The following ASTN2 variants were observed in gnomAD, a reference collection of about 807,000 sequenced individuals.
ASTN2 encodes the protein astrotactin-2.
Under a neutral mutation model 139.8 loss-of-function variants are expected in ASTN2, and 54 were observed. That is an observed-to-expected ratio of 0.39 (90% CI 0.31 to 0.48). The LOEUF (loss-of-function observed/expected upper bound fraction) is 0.48. Among genes scored for constraint, ASTN2 ranks in the 20% least tolerant of loss-of-function variants. The probability of loss-of-function intolerance (pLI) is 0.95; values close to 1 mark genes in which losing one functional copy is unlikely to be tolerated. For synonymous variants in ASTN2, 756 were observed against 719.5 expected (o/e 1.05, Z -0.81); for missense variants, 1,565 against 1,725.1 (o/e 0.91, Z 1.64).
chr9:117,108,835 G>A (rs928199485), intron 4 of ASTN2, among the ~76,000 whole-genome samples: 4 of 152,066 alleles, frequency 2.6e-5, no homozygotes, highest in African/African-American at 9.7e-5. Context: ...CAATACATCT[G>A]GCATAATTTT....
intron 22 of ASTN2, among the ~76,000 whole-genome samples, chr9:116,429,612 C>T (rs937271357): frequency 2.0e-5 from 3 of 152,174 alleles, no homozygotes; most frequent in Non-Finnish European, 4.4e-5. Context: ...TCACCATTAT[C>T]ATTACTCCCA....
intron 10 of ASTN2, among the ~76,000 whole-genome samples, chr9:116,911,776 C>T (rs769210825): frequency 3.3e-5 from 5 of 152,024 alleles, no homozygotes; most frequent in African/African-American, 4.8e-5. Context: ...TGGTGGCAGG[C>T]GCCTGTTGTC....
chr9:116,960,415 G>A (rs1316181754), intron 10 of ASTN2, among the ~76,000 whole-genome samples: 1 of 151,542 alleles, frequency 6.6e-6, no homozygotes, highest in Non-Finnish European at 1.5e-5. Flanking sequence ...TTTACAACTG[G>A]ATTTCTAGAA....
intron 3 of ASTN2, among the ~76,000 whole-genome samples, chr9:117,187,637 C>G (rs997570757): frequency 6.6e-6 from 1 of 152,186 alleles, no homozygotes; most frequent in African/African-American, 2.4e-5. Flanking sequence ...TGTCACGAGT[C>G]TCCCTGGTCA....
chr9:116,537,462 T>G (rs1014859665), intron 19 of ASTN2, among the ~76,000 whole-genome samples: 6 of 152,200 alleles, frequency 3.9e-5, no homozygotes, highest in Non-Finnish European at 7.3e-5. Context: ...CTTGAACCTA[T>G]GGACATTATA....
intron 19 of ASTN2, among the ~76,000 whole-genome samples, chr9:116,599,207 T>C (rs1350899070): frequency 6.6e-6 from 1 of 152,092 alleles, no homozygotes; most frequent in African/African-American, 2.4e-5. Flanking sequence ...AGGGTGTGAG[T>C]CTAAAGTTGC....
At chr9:117,086,713 C>T (rs1019190513) in intron 5 of ASTN2, among the ~76,000 whole-genome samples, 9 of 152,202 alleles carry the variant, frequency 5.9e-5, no homozygotes, top group African/African-American at 2.2e-4. Flanking sequence ...CTTCACTTCT[C>T]CCGGCTTTCC....
At chr9:117,340,425 C>A (rs1044490569) in intron 1 of ASTN2, among the ~76,000 whole-genome samples, 1 of 150,904 alleles carries the variant, frequency 6.6e-6, no homozygotes, top group East Asian at 2.0e-4. Flanking sequence ...GCAGGAACAC[C>A]GGTTATAGAA....
chr9:116,508,949 C>A (rs1013541993), intron 19 of ASTN2, among the ~76,000 whole-genome samples: 1 of 152,108 alleles, frequency 6.6e-6, no homozygotes, highest in African/African-American at 2.4e-5. Flanking sequence ...TGAGTGTGGG[C>A]TCAGCATCTA....
chr9:117,022,440 G>T (rs1246486544), intron 6 of ASTN2, among the ~76,000 whole-genome samples: 2 of 123,370 alleles, frequency 1.6e-5, no homozygotes, highest in East Asian at 5.4e-4. Context: ...AGTATCCCAG[G>T]GCAAAAAAAA....
intron 20 of ASTN2, among the ~76,000 whole-genome samples, chr9:116,450,966 C>T (rs1848156402): frequency 6.6e-6 from 1 of 152,316 alleles, no homozygotes; most frequent in East Asian, 1.9e-4. Context: ...TGGCTTAGAA[C>T]AAAGGTAAAG....
chr9:116,705,069 C>A (rs1160521933), intron 16 of ASTN2, among the ~76,000 whole-genome samples: 1 of 152,044 alleles, frequency 6.6e-6, no homozygotes, highest in African/African-American at 2.4e-5. Flanking sequence ...TAAAAGTAAG[C>A]CACAAATATC....
intron 3 of ASTN2, among the ~76,000 whole-genome samples, chr9:117,188,182 G>GAC (rs1313597756): frequency 4.5e-5 from 3 of 67,296 alleles, no homozygotes; most frequent in African/African-American, 1.1e-4. Context: ...GAGAGAGAGA[G>GAC]AGAGAGAGAG....
At chr9:116,582,281 A>T (rs764038473) in intron 19 of ASTN2, 4 of 152,206 alleles carry the variant, frequency 2.6e-5, no homozygotes, top group Non-Finnish European at 5.9e-5. Context: ...GGTTTGTAAG[A>T]CTGTATTATA....
chr9:116,539,698 C>T (rs907993398), intron 19 of ASTN2, among the ~76,000 whole-genome samples: 5 of 152,104 alleles, frequency 3.3e-5, no homozygotes, highest in African/African-American at 4.8e-5. Flanking sequence ...CGGGTGTATA[C>T]GCTGGACAAA....
chr9:117,166,920 T>C (rs1309028585), intron 3 of ASTN2, among the ~76,000 whole-genome samples: 1 of 152,146 alleles, frequency 6.6e-6, no homozygotes, highest in Non-Finnish European at 1.5e-5. Context: ...GATAATTATG[T>C]TGACAACATC....
At chr9:116,448,775 G>C (rs920366015) in intron 20 of ASTN2, among the ~76,000 whole-genome samples, 4 of 152,218 alleles carry the variant, frequency 2.6e-5, no homozygotes, top group Non-Finnish European at 5.9e-5. Flanking sequence ...TAGGTTTCTT[G>C]TGAACAAAAT....
intron 10 of ASTN2, among the ~76,000 whole-genome samples, chr9:116,929,184 T>G (rs913949397): frequency 5.9e-5 from 9 of 152,166 alleles, no homozygotes; most frequent in African/African-American, 1.9e-4. Context: ...CTGGAAGGAC[T>G]AATAGGACTT....
chr9:116,943,598 C>G (rs1588430273), intron 10 of ASTN2, among the ~76,000 whole-genome samples: 1 of 152,174 alleles, frequency 6.6e-6, no homozygotes, highest in East Asian at 1.9e-4. Flanking sequence ...GATTCATGTT[C>G]TGGATGCATG....
Sources: gnomAD v4.1 joint callset for allele counts (sites outside exome capture counted in the v4.1 genomes callset) on GRCh38, gnomAD v4.1.1 for gene constraint, MANE v1.5 for transcripts, NCBI Gene and HGNC (gene_info 2026-07-23, HGNC 2026-07-21) for gene names.